Variants in ANTXR2 observed in about 807,000 individuals in gnomAD.
The protein encoded by ANTXR2 is anthrax toxin receptor 2.
A neutral mutation model predicts 73.7 loss-of-function variants in ANTXR2; 44 were observed. That is an observed-to-expected ratio of 0.60 (90% CI 0.47 to 0.77). The LOEUF (loss-of-function observed/expected upper bound fraction) is 0.77, where lower values mean the gene tolerates loss of function less well. Ranked by LOEUF, ANTXR2 falls within the 30% of genes least tolerant of loss-of-function variation. The probability of loss-of-function intolerance (pLI) is 0.00; values close to 1 mark genes in which losing one functional copy is unlikely to be tolerated. For missense variants in ANTXR2, 604 were observed against 592.5 expected (o/e 1.02, Z -0.20); for synonymous variants, 217 against 205.9 (o/e 1.05, Z -0.46).
chr4:80,055,453 A>C lies in ANTXR2; in HGVS notation c.393T>G (p.Ile131Met). The C allele has an allele frequency of 6.2e-7, 1 of 1,610,108 alleles. No homozygotes were observed. The highest frequency in any genetic ancestry group is 8.5e-7 in the Non-Finnish European group (1 of 1,177,734). The change falls in exon 5 of 17, where the codon ATT (isoleucine) becomes ATG (methionine). Residue 131 changes from isoleucine to methionine, a missense_variant. Coordinates refer to ENST00000403729, the MANE Select transcript of ANTXR2 (RefSeq NM_058172.6). ...AGGTTTTCAAGCCTCCTGCTTTCTGAATTTGTTCATTCGCCTGAAAATGAA... is the reference window on the plus strand; with the variant it reads ...AGGTTTTCAAGCCTCCTGCTTTCTGCATTTGTTCATTCGCCTGAAAATGAA... ...HEGLKLANEQ[I>M]QKAGGLKTSS... is the part of the protein sequence containing the mutation.
chr4:80,063,651 T>A (rs1310345024), intron 3 of ANTXR2, among the ~76,000 whole-genome samples: 1 of 152,152 alleles, frequency 6.6e-6, no homozygotes, highest in Non-Finnish European at 1.5e-5. Flanking sequence ...GTTTTCTTTT[T>A]ATTTTATAAA....
intron 16 of ANTXR2, among the ~76,000 whole-genome samples, chr4:79,930,981 T>G (rs1249405831): frequency 6.6e-6 from 1 of 152,232 alleles, no homozygotes; most frequent in African/African-American, 2.4e-5. Flanking sequence ...TTCTACAGAA[T>G]AATTTAGTAT....
chr4:80,071,436 T>C (rs1024525116), intron 2 of ANTXR2, 147 bp downstream of exon 2: 8 of 702,068 alleles, frequency 1.1e-5, no homozygotes, highest in Non-Finnish European at 1.8e-5. Flanking sequence ...AGGGCTGTCC[T>C]AATAACAGCA....
chr4:79,991,806 C>T (rs1324388819), intron 12 of ANTXR2, among the ~76,000 whole-genome samples: 1 of 152,052 alleles, frequency 6.6e-6, no homozygotes, highest in Non-Finnish European at 1.5e-5. Context: ...TTGGCAGCAA[C>T]ATGGATGCAG....
intron 12 of ANTXR2, among the ~76,000 whole-genome samples, chr4:79,997,302 G>A (rs1364262207): frequency 6.6e-6 from 1 of 151,432 alleles, no homozygotes; most frequent in Non-Finnish European, 1.5e-5. Context: ...AGACTAAGTA[G>A]TATTTCAGAA....
chr4:80,042,925 C>T (rs1208616125), intron 7 of ANTXR2, among the ~76,000 whole-genome samples: 1 of 151,952 alleles, frequency 6.6e-6, no homozygotes, highest in Non-Finnish European at 1.5e-5. Context: ...TCAGAGGGCA[C>T]AGAATAGGCA....
chr4:79,953,143 C>T (rs1259246505), intron 16 of ANTXR2, among the ~76,000 whole-genome samples: 1 of 152,070 alleles, frequency 6.6e-6, no homozygotes, highest in East Asian at 1.9e-4. Context: ...ACCCTCAGTT[C>T]CCAGTACTCA....
At chr4:80,045,242 C>T (rs1326932312) in intron 7 of ANTXR2, among the ~76,000 whole-genome samples, 1 of 151,544 alleles carries the variant, frequency 6.6e-6, no homozygotes, top group Admixed American at 6.6e-5. Flanking sequence ...GTATTAACTC[C>T]CATTAAATGG....
intron 16 of ANTXR2, among the ~76,000 whole-genome samples, chr4:79,958,991 T>G (rs1295721964): frequency 6.6e-6 from 1 of 151,980 alleles, no homozygotes. Flanking sequence ...TTCCGATCAT[T>G]GAAAATTTTT....
chr4:80,017,542 A>G (rs1276386503), intron 11 of ANTXR2, among the ~76,000 whole-genome samples: 4 of 151,896 alleles, frequency 2.6e-5, no homozygotes, highest in Admixed American at 2.6e-4. Context: ...GCACCAACCT[A>G]TACATCCCAC....
intron 12 of ANTXR2, among the ~76,000 whole-genome samples, chr4:79,993,760 G>GCGCACACACACACACACACACACACA: frequency 7.1e-6 from 1 of 140,770 alleles, no homozygotes; most frequent in African/African-American, 2.6e-5. Context: ...ACACACACAC[G>GCGCACACACACACACACACACACACA]CACACACACA....
intron 1 of ANTXR2, 112 bp downstream of exon 1, chr4:80,072,297 C>A: frequency 8.1e-7 from 1 of 1,240,232 alleles, no homozygotes; most frequent in East Asian, 2.9e-5. Flanking sequence ...GGGCACCCCT[C>A]CGCGGGTTTC....
chr4:79,975,408 A>G (rs1729584054), intron 16 of ANTXR2, among the ~76,000 whole-genome samples: 2 of 152,336 alleles, frequency 1.3e-5, no homozygotes, highest in East Asian at 3.8e-4. Context: ...GCTTTTACAT[A>G]TTCATAATCC....
rs543434262 is a variant in ANTXR2 at position 79,962,895 on chromosome 4, T to A, written c.1428+14726A>T. 4.6e-5 allele frequency among the ~76,000 whole-genome samples: 7 copies of A among 152,300 alleles called. No individual in the cohort carries two copies. The South Asian group carries it at 1.0e-3, about 23-fold the overall frequency. On this transcript the variant is annotated intron_variant, in intron 16 of 16. Transcript: ENST00000403729. ...ATCAATATACATATATTTTAATGAT[T>A]TTTTTTAAGAATGCAGTCATTAGCA... is the stretch of plus-strand genomic sequence containing the variant.
intron 3 of ANTXR2, among the ~76,000 whole-genome samples, chr4:80,060,993 A>G (rs1171429703): frequency 6.6e-6 from 1 of 152,156 alleles, no homozygotes; most frequent in East Asian, 1.9e-4. Flanking sequence ...CAGCGCTGAT[A>G]CTGGCTGTTG....
At chr4:80,015,405 C>A (rs999178120) in intron 11 of ANTXR2, among the ~76,000 whole-genome samples, 5 of 152,148 alleles carry the variant, frequency 3.3e-5, no homozygotes, top group African/African-American at 1.2e-4. Flanking sequence ...ACTATTTCTA[C>A]CACCATCAGT....
At chr4:80,013,218 T>C (rs1321704631) in intron 11 of ANTXR2, among the ~76,000 whole-genome samples, 2 of 152,232 alleles carry the variant, frequency 1.3e-5, no homozygotes, top group Non-Finnish European at 2.9e-5. Flanking sequence ...TTAAATCTCT[T>C]AAATCTAAAA....
intron 16 of ANTXR2, among the ~76,000 whole-genome samples, chr4:79,926,993 G>GTGTA (rs1553925989): frequency 9.5e-6 from 1 of 105,360 alleles, no homozygotes; most frequent in African/African-American, 2.8e-5. Flanking sequence ...GCATATATGT[G>GTGTA]TATATATACA....
chr4:79,931,878 T>C (rs1037715407), intron 16 of ANTXR2, among the ~76,000 whole-genome samples: 41 of 152,248 alleles, frequency 2.7e-4, no homozygotes, highest in Non-Finnish European at 4.7e-4. Flanking sequence ...CAAGTATTCA[T>C]GTATATCTGA....
Sources: gnomAD v4.1 joint callset for allele counts (sites outside exome capture counted in the v4.1 genomes callset) on GRCh38, gnomAD v4.1.1 for gene constraint, MANE v1.5 for transcripts, NCBI Gene and HGNC (gene_info 2026-07-23, HGNC 2026-07-21) for gene names.